Variants in SLIT3 observed in about 807,000 individuals in gnomAD.
The protein encoded by SLIT3 is slit homolog 3 protein.
In SLIT3, 68 loss-of-function variants were observed where a neutral mutation model predicts 184.0. That is an observed-to-expected ratio of 0.37 (90% CI 0.30 to 0.45). The LOEUF is 0.45. Among genes scored for constraint, SLIT3 ranks in the 20% least tolerant of loss-of-function variants. SLIT3 has a pLI of 1.00. For missense variants in SLIT3, 1,707 were observed against 2,026.0 expected (o/e 0.84, Z 3.02); for synonymous variants, 831 against 828.6 (o/e 1.00, Z -0.05).
chr5:168,755,229 G>A (rs1754849631), intron 16 of SLIT3, among the ~76,000 whole-genome samples: 1 of 152,098 alleles, frequency 6.6e-6, no homozygotes, highest in Admixed American at 6.5e-5. Context: ...GGGATTTGAA[G>A]CCAGGTTTTC....
At chr5:169,184,877 A>T (rs1355003697) in intron 4 of SLIT3, among the ~76,000 whole-genome samples, 1 of 152,236 alleles carries the variant, frequency 6.6e-6, no homozygotes, top group Non-Finnish European at 1.5e-5. Flanking sequence ...AGGTGTTCAG[A>T]TACATACTAA....
chr5:169,292,084 T>A (rs1170916954), intron 1 of SLIT3, among the ~76,000 whole-genome samples: 2 of 152,180 alleles, frequency 1.3e-5, no homozygotes, highest in Non-Finnish European at 2.9e-5. Context: ...TCCCCTATGC[T>A]TCATTCTTCA....
intron 8 of SLIT3, among the ~76,000 whole-genome samples, chr5:168,811,293 A>G (rs1052527182): frequency 1.3e-5 from 2 of 152,150 alleles, no homozygotes; most frequent in African/African-American, 4.8e-5. Context: ...CTCTGTATAT[A>G]TTATCTCACT....
chr5:168,868,280 G>A (rs1399540556), intron 5 of SLIT3, among the ~76,000 whole-genome samples: 3 of 152,100 alleles, frequency 2.0e-5, no homozygotes, highest in African/African-American at 7.2e-5. Flanking sequence ...TCCTTTCCAT[G>A]TGTCATCTCA....
chr5:168,845,446 T>C (rs572830180), intron 5 of SLIT3, among the ~76,000 whole-genome samples: 1 of 152,332 alleles, frequency 6.6e-6, no homozygotes, highest in Admixed American at 6.5e-5. Context: ...ATGCACCACT[T>C]TGATTTAAAT....
At chr5:169,177,161 A>G (rs755745749) in intron 4 of SLIT3, among the ~76,000 whole-genome samples, 19 of 152,168 alleles carry the variant, frequency 1.2e-4, no homozygotes, top group Non-Finnish European at 2.4e-4. Flanking sequence ...GCCTCATCAC[A>G]CAAGGCAAAT....
chr5:168,777,965 TAG>T (rs1755820268), intron 12 of SLIT3, among the ~76,000 whole-genome samples: 1 of 152,116 alleles, frequency 6.6e-6, no homozygotes, highest in African/African-American at 2.4e-5. Flanking sequence ...ATGGAGCAAA[TAG>T]AGAGTAAACA....
At chr5:168,853,011 T>C (rs1283975234) in intron 5 of SLIT3, among the ~76,000 whole-genome samples, 2 of 152,338 alleles carry the variant, frequency 1.3e-5, no homozygotes, top group South Asian at 2.1e-4. Flanking sequence ...TGACCTGAAA[T>C]TGGTTTCTTA....
intron 4 of SLIT3, among the ~76,000 whole-genome samples, chr5:169,122,052 A>G (rs1760896895): frequency 6.6e-6 from 1 of 152,208 alleles, no homozygotes; most frequent in Admixed American, 6.5e-5. Context: ...GTTGCTTTCC[A>G]TTGAACTGAG....
At chr5:168,879,054 A>G (rs1759851113) in intron 5 of SLIT3, among the ~76,000 whole-genome samples, 1 of 152,242 alleles carries the variant, frequency 6.6e-6, no homozygotes, top group Non-Finnish European at 1.5e-5. Flanking sequence ...CAGCGCAAGC[A>G]AAGAAAATAT....
intron 1 of SLIT3, among the ~76,000 whole-genome samples, chr5:169,256,396 G>T (rs1260962686): frequency 1.3e-5 from 2 of 152,220 alleles, no homozygotes; most frequent in African/African-American, 4.8e-5. Flanking sequence ...TGCTGTGCGG[G>T]TTTATAGCCT....
chr5:169,252,341 A>C (rs1765805133), intron 1 of SLIT3, among the ~76,000 whole-genome samples: 1 of 152,240 alleles, frequency 6.6e-6, no homozygotes, highest in African/African-American at 2.4e-5. Flanking sequence ...TTATAGGCTT[A>C]AGCTCCTGAA....
intron 1 of SLIT3, among the ~76,000 whole-genome samples, chr5:169,273,798 A>C (rs1435668517): frequency 6.6e-6 from 1 of 152,148 alleles, no homozygotes; most frequent in African/African-American, 2.4e-5. Flanking sequence ...TAGTGTGTGC[A>C]ATGTTCTGCA....
At chr5:169,079,063 C>G (rs1360706021) in intron 4 of SLIT3, among the ~76,000 whole-genome samples, 1 of 152,124 alleles carries the variant, frequency 6.6e-6, no homozygotes, top group Admixed American at 6.5e-5. Context: ...GCTCCCTAAA[C>G]AAGAAAGAAG....
At chr5:168,702,139 A>G (rs1207412659) in intron 26 of SLIT3, among the ~76,000 whole-genome samples, 2 of 152,350 alleles carry the variant, frequency 1.3e-5, no homozygotes, top group South Asian at 2.1e-4. Context: ...ATCCTAAACC[A>G]TAACAACACA....
chr5:169,216,249 ACTCT>A (rs1458685132), intron 3 of SLIT3, among the ~76,000 whole-genome samples: 1 of 151,750 alleles, frequency 6.6e-6, no homozygotes, highest in Non-Finnish European at 1.5e-5. Context: ...TGCTCACCTA[ACTCT>A]CTAATTCCCT....
chr5:169,086,564 AT>A (rs1300431974), intron 4 of SLIT3, among the ~76,000 whole-genome samples: 2 of 152,192 alleles, frequency 1.3e-5, no homozygotes, highest in African/African-American at 4.8e-5. Flanking sequence ...CAGAGATAGT[AT>A]TTTTTTCCTT....
At chr5:168,921,041 T>C (rs12520729) in intron 4 of SLIT3, among the ~76,000 whole-genome samples, 6,474 of 152,260 alleles carry the variant, frequency 0.043, 192 homozygotes, top group Non-Finnish European at 0.06. Context: ...GTCAGATTGC[T>C]GGAGTTTAAG....
At chr5:168,841,520 C>T (rs1368591361) in intron 6 of SLIT3, among the ~76,000 whole-genome samples, 2 of 152,140 alleles carry the variant, frequency 1.3e-5, no homozygotes, top group Non-Finnish European at 2.9e-5. Context: ...CTGGACATCC[C>T]CCATCGGGAA....
Sources: allele counts gnomAD v4.1 joint callset (sites outside exome capture counted in the v4.1 genomes callset), GRCh38; gene constraint gnomAD v4.1.1; transcripts MANE v1.5; gene names NCBI Gene and HGNC (gene_info 2026-07-23, HGNC 2026-07-21).